NR3C1: variants seen among roughly 807,000 people sequenced by gnomAD.
NR3C1 encodes glucocorticoid receptor.
Under a neutral mutation model 74.0 loss-of-function variants are expected in NR3C1, and 14 were observed. The observed-to-expected ratio is 0.19, with a 90% confidence interval of 0.12 to 0.30. NR3C1 has a LOEUF of 0.30. NR3C1 is among the 10% of genes least tolerant of loss of function. NR3C1 has a pLI of 1.00. For synonymous variants in NR3C1, 308 were observed against 332.5 expected, an observed-to-expected ratio of 0.93 and a Z score of 0.80; for missense variants, 695 against 909.8, an observed-to-expected ratio of 0.76 and a Z score of 3.04.
At chr5:143,381,059 C>G (rs1292083494) in intron 2 of NR3C1, among the ~76,000 whole-genome samples, 4 of 151,724 alleles carry the variant, frequency 2.6e-5, no homozygotes, top group African/African-American at 9.7e-5. Flanking sequence ...AAGACTCCAC[C>G]AAAAAAATAT....
Position 143,300,803 on chromosome 5 carries a change from TG to T in NR3C1, c.1469-41del. The T allele has an allele frequency of 5.1e-6, 8 of 1,571,508 alleles. No individual in the cohort carries two copies. Among genetic ancestry groups the T allele is most frequent in the Non-Finnish European group, 7.0e-6 (8 of 1,143,614 alleles). On this transcript the variant is annotated intron_variant, in intron 4 of 8. Transcript: ENST00000394464. This position sits in a 1 kb window ranked among gnomAD's most constrained non-coding sequence, Gnocchi z 5.2. ...ACAAATACATAGAAATGAACTGTAA[TG>T]GGAAGGTCTGCGCTACACAGTTTAT...
At chr5:143,346,672 T>G (rs922135261) in intron 2 of NR3C1, among the ~76,000 whole-genome samples, 13 of 152,212 alleles carry the variant, frequency 8.5e-5, no homozygotes, top group African/African-American at 3.1e-4. Flanking sequence ...AAATGAAATA[T>G]TCCTAAAATA....
At chr5:143,351,790 T>C (rs1464879379) in intron 2 of NR3C1, among the ~76,000 whole-genome samples, 1 of 152,204 alleles carries the variant, frequency 6.6e-6, no homozygotes, top group Non-Finnish European at 1.5e-5. Flanking sequence ...AGCAATCCTG[T>C]AGAAGCTATC....
intron 2 of NR3C1, chr5:143,375,625 T>C (rs1177544697): frequency 1.3e-5 from 2 of 152,214 alleles, no homozygotes; most frequent in African/African-American, 2.4e-5. Flanking sequence ...TAATACAAAT[T>C]ATGCACTTTT....
At chr5:143,318,128 T>C (rs559802773) in intron 2 of NR3C1, among the ~76,000 whole-genome samples, 106 of 152,212 alleles carry the variant, frequency 7.0e-4, no homozygotes, top group African/African-American at 2.5e-3. Context: ...CATCACACAA[T>C]AGGTCTCTAC....
At chr5:143,404,076 G>A, upstream of NR3C1, 1 of 985,508 alleles carries the variant, frequency 1.0e-6, no homozygotes, top group South Asian at 4.7e-5. Flanking sequence ...CAGCTCCGCG[G>A]CTCCAGACCC....
chr5:143,298,574 G>T, intron 6 of NR3C1, 94 bp downstream of exon 6: 2 of 1,356,756 alleles, frequency 1.5e-6, no homozygotes, highest in Non-Finnish European at 1.0e-6. Context: ...GATTGTTTCA[G>T]TCCTGAATTA....
intron 2 of NR3C1, among the ~76,000 whole-genome samples, chr5:143,387,086 A>C (rs972666084): frequency 6.6e-6 from 1 of 152,224 alleles, no homozygotes; most frequent in Non-Finnish European, 1.5e-5. Context: ...GACTATTGAT[A>C]AGAGTAATAA....
Position 143,399,914 on chromosome 5 carries a change from G to A in NR3C1, c.926C>T (p.Ala309Val). 1 of 1,614,148 alleles carries A rather than the reference G, an allele frequency of 6.2e-7. No individual in the cohort carries two copies. Among genetic ancestry groups the A allele is most frequent in the Non-Finnish European group, 8.5e-7 (1 of 1,180,038 alleles). Residue 309 changes from alanine (A) to valine (V), a missense_variant, in exon 2 of 9, where the codon GCA (alanine) becomes GTA (valine). Ala to Val is a moderately conservative substitution (Grantham distance 64). Around this residue, in one of 4 missense-constraint regions of NR3C1, gnomAD observed 497 missense variants for 489.5 expected, o/e 1.02. Coordinates refer to ENST00000394464, the MANE Select transcript of NR3C1 (RefSeq NM_000176.3). The part of the protein sequence containing the change: ...TVYCQASFPG[A>V]NIIGNKMSAI... ...AGACATTTTATTACCAATTATATTT[G>A]CTCCAGGAAAGCTTGCCTGACAGTA...
chr5:143,423,066 G>A (rs1408142009), intron 1 of NR3C1, among the ~76,000 whole-genome samples: 1 of 152,066 alleles, frequency 6.6e-6, no homozygotes, highest in Non-Finnish European at 1.5e-5. Flanking sequence ...GATGACATTG[G>A]TCTGGCCAAA....
chr5:143,426,608 G>GACTT (rs1481868288), intron 1 of NR3C1, among the ~76,000 whole-genome samples: 4 of 152,332 alleles, frequency 2.6e-5, no homozygotes, highest in Admixed American at 2.0e-4. Context: ...AAGCTTAAAG[G>GACTT]ACTTAGTTGT....
chr5:143,405,868 A>C (rs1841081580), upstream of NR3C1, among the ~76,000 whole-genome samples: 1 of 152,088 alleles, frequency 6.6e-6, no homozygotes, highest in South Asian at 2.1e-4. Context: ...AGGCTATGAG[A>C]ACACTGCTTG....
At chr5:143,334,543 G>A (rs1826701794) in intron 2 of NR3C1, among the ~76,000 whole-genome samples, 1 of 152,082 alleles carries the variant, frequency 6.6e-6, no homozygotes, top group Non-Finnish European at 1.5e-5. Flanking sequence ...GTATCCTAGG[G>A]TTTAATGTTG....
At chr5:143,432,005 G>C (rs991233828) in intron 1 of NR3C1, among the ~76,000 whole-genome samples, 1 of 152,302 alleles carries the variant, frequency 6.6e-6, no homozygotes, top group East Asian at 1.9e-4. Context: ...TGACAGGAGC[G>C]GAGTTTCAAC....
At chr5:143,356,032 G>C (rs534362644) in intron 2 of NR3C1, among the ~76,000 whole-genome samples, 1 of 152,216 alleles carries the variant, frequency 6.6e-6, no homozygotes, top group African/African-American at 2.4e-5. Context: ...GATCAACAGA[G>C]AAAGAGGAAT....
chr5:143,348,555 T>C (rs953916481), intron 2 of NR3C1, among the ~76,000 whole-genome samples: 1 of 152,218 alleles, frequency 6.6e-6, no homozygotes, highest in African/African-American at 2.4e-5. Flanking sequence ...TAAACAAGTG[T>C]CCTTTTCATG....
At chr5:143,370,892 G>C (rs999022596) in intron 2 of NR3C1, among the ~76,000 whole-genome samples, 1 of 152,220 alleles carries the variant, frequency 6.6e-6, no homozygotes, top group Non-Finnish European at 1.5e-5. Flanking sequence ...GCATCTGAGA[G>C]TGATGGCAAT....
chr5:143,404,288 C>G (rs986989116), upstream of NR3C1: 150 of 985,466 alleles, frequency 1.5e-4, no homozygotes, highest in Non-Finnish European at 1.8e-4. Flanking sequence ...CGCAGCGTCT[C>G]GGCCGCGCTC....
intron 7 of NR3C1, among the ~76,000 whole-genome samples, chr5:143,287,522 A>T (rs1469025352): frequency 6.6e-6 from 1 of 152,166 alleles, no homozygotes; most frequent in Non-Finnish European, 1.5e-5. Flanking sequence ...ATAATTAAAA[A>T]TCTTCCCTGA....
Sources: allele counts gnomAD v4.1 joint callset (sites outside exome capture counted in the v4.1 genomes callset), GRCh38; gene constraint gnomAD v4.1.1; regional missense constraint gnomAD v4.1.1; non-coding constraint Gnocchi (gnomAD v3.1); transcripts MANE v1.5; gene names NCBI Gene and HGNC (gene_info 2026-07-23, HGNC 2026-07-21).